The following PTK2B variants were observed in gnomAD, a reference collection of about 807,000 sequenced individuals.
PTK2B encodes protein-tyrosine kinase 2-beta.
PTK2B carries 71 observed loss-of-function variants against 142.9 expected under a neutral mutation model. The ratio of observed to expected loss-of-function variants is 0.50; its 90% CI spans 0.41 to 0.61. PTK2B has a LOEUF of 0.61. PTK2B is among the 20% of genes least tolerant of loss of function. The probability of loss-of-function intolerance (pLI) is 0.00; values close to 1 mark genes in which losing one functional copy is unlikely to be tolerated. For synonymous variants in PTK2B, 519 were observed against 503.4 expected (o/e 1.03, Z -0.42); for missense variants, 1,105 against 1,320.4 (o/e 0.84, Z 2.53).
intron 2 of PTK2B, among the ~76,000 whole-genome samples, chr8:27,405,070 T>G (rs914987788): frequency 1.6e-5 from 1 of 62,976 alleles, no homozygotes; most frequent in Non-Finnish European, 3.5e-5. Context: ...CTCTCTCTCT[T>G]AGCCATGTGA....
At chr8:27,430,629 C>T (rs533342960) in intron 7 of PTK2B, among the ~76,000 whole-genome samples, 3 of 152,300 alleles carry the variant, frequency 2.0e-5, no homozygotes, top group East Asian at 3.9e-4. Context: ...GTATCGAGGC[C>T]GTATCAGCTC....
chr8:27,403,442 A>G (rs1222128909), intron 2 of PTK2B, among the ~76,000 whole-genome samples: 1 of 152,192 alleles, frequency 6.6e-6, no homozygotes, highest in African/African-American at 2.4e-5. Context: ...CCATGTTGTA[A>G]AAAGCTTTGT....
chr8:27,345,757 A>C (rs1206299931), intron 1 of PTK2B, among the ~76,000 whole-genome samples: 3 of 152,184 alleles, frequency 2.0e-5, no homozygotes, highest in Non-Finnish European at 2.9e-5. Flanking sequence ...CAGGCATGGA[A>C]AACATACGAA....
chr8:27,445,733 G>T, intron 23 of PTK2B, 61 bp from the exon 24 acceptor site: 1 of 1,603,724 alleles, frequency 6.2e-7, no homozygotes, highest in South Asian at 1.1e-5. Flanking sequence ...GTTTGTAGCA[G>T]CTAATTGTCT....
intron 1 of PTK2B, among the ~76,000 whole-genome samples, chr8:27,378,271 T>C (rs1806788391): frequency 6.6e-6 from 1 of 152,244 alleles, no homozygotes; most frequent in African/African-American, 2.4e-5. Flanking sequence ...GCATCAAATC[T>C]AGTCCAGGGG....
chr8:27,448,586 C>T (rs10098202), intron 24 of PTK2B, among the ~76,000 whole-genome samples: 67,283 of 152,072 alleles, frequency 0.44, 15,861 homozygotes, highest in African/African-American at 0.6. Flanking sequence ...AATCTTCTGT[C>T]AACACTTATA....
chr8:27,455,166 A>T (rs894543782), intron 30 of PTK2B, among the ~76,000 whole-genome samples: 1 of 151,992 alleles, frequency 6.6e-6, no homozygotes, highest in South Asian at 2.1e-4. Context: ...AAATGTGATA[A>T]AGTTAAGGAC....
chr8:27,387,692 A>G (rs1261029624), intron 1 of PTK2B, among the ~76,000 whole-genome samples: 1 of 152,178 alleles, frequency 6.6e-6, no homozygotes, highest in African/African-American at 2.4e-5. Flanking sequence ...TAATCCCAAC[A>G]CTACATTAAC....
intron 1 of PTK2B, among the ~76,000 whole-genome samples, chr8:27,339,913 T>C (rs1010861270): frequency 6.6e-6 from 1 of 152,260 alleles, no homozygotes; most frequent in Non-Finnish European, 1.5e-5. Context: ...CCAGTGACAG[T>C]GACACCTAGT....
chr8:27,348,883 C>T (rs1424067296), intron 1 of PTK2B, among the ~76,000 whole-genome samples: 1 of 152,168 alleles, frequency 6.6e-6, no homozygotes, highest in Non-Finnish European at 1.5e-5. Context: ...AAGCCATTCC[C>T]CGCTGCCTCT....
intron 2 of PTK2B, among the ~76,000 whole-genome samples, chr8:27,408,463 ACTGT>A (rs1808858385): frequency 6.6e-6 from 1 of 152,216 alleles, no homozygotes; most frequent in African/African-American, 2.4e-5. Flanking sequence ...TTTCTACATG[ACTGT>A]CCATTGTTTG....
Position 27,450,735 on chromosome 8 carries a change from T to G in PTK2B, c.2341-14T>G. Reference sequence around the variant, plus strand: ...CTCATTGCATCCTCTCCCTTCTCTCTGCCGTCCTCCCAGGAGGAGGACTTC... The same window carrying G: ...CTCATTGCATCCTCTCCCTTCTCTCGGCCGTCCTCCCAGGAGGAGGACTTC... On this transcript the variant is annotated splice_polypyrimidine_tract_variant and intron_variant, in intron 24 of 30. Transcript: ENST00000346049. The G allele has an allele frequency of 6.2e-7, 1 of 1,614,050 alleles. No homozygotes were observed. The highest frequency in any genetic ancestry group is 8.5e-7 in the Non-Finnish European group (1 of 1,179,920).
chr8:27,438,996 A>T, intron 18 of PTK2B, 35 bp from the exon 19 acceptor site: 1 of 1,550,822 alleles, frequency 6.4e-7, no homozygotes, highest in Non-Finnish European at 8.9e-7. Context: ...GGGGGTGGGC[A>T]GTGCCTCATC....
At chr8:27,392,464 C>G (rs889143849) in intron 1 of PTK2B, among the ~76,000 whole-genome samples, 5 of 152,294 alleles carry the variant, frequency 3.3e-5, no homozygotes, top group African/African-American at 1.2e-4. Context: ...ACGAGGAACT[C>G]TCACTTATGT....
In PTK2B at chr8:27,363,805, T is replaced by A. The variant is rs1468290030; in HGVS notation, c.-37-33743T>A. Among the ~76,000 whole-genome samples the A allele has an allele frequency of 1.3e-5, 2 of 152,130 alleles. No individual in the cohort carries two copies. ...AGTCACTTGGCGTTCCTGGGACATG[T>A]TCATGTGAATTCTCACCGGTGGCTT... On this transcript the variant is annotated intron_variant, in intron 1 of 30. Coordinates refer to ENST00000346049, the MANE Select transcript of PTK2B (RefSeq NM_173176.3). The surrounding 1 kb of genome is among the most constrained non-coding windows in gnomAD (Gnocchi z 4.3).
At chr8:27,409,291 C>T (rs1215882193) in intron 2 of PTK2B, among the ~76,000 whole-genome samples, 1 of 151,992 alleles carries the variant, frequency 6.6e-6, no homozygotes, top group Non-Finnish European at 1.5e-5. Flanking sequence ...GGGGAAGAAA[C>T]AAAAACCTTA....
chr8:27,456,049 G>A (rs746479986), intron 30 of PTK2B, among the ~76,000 whole-genome samples: 18 of 152,236 alleles, frequency 1.2e-4, no homozygotes, highest in Non-Finnish European at 2.4e-4. Flanking sequence ...GGAGCCCTAG[G>A]TGGGGCTGTG....
At chr8:27,430,489 G>A (rs1318724806) in intron 7 of PTK2B, 71 bp downstream of exon 7, 2 of 1,586,840 alleles carry the variant, frequency 1.3e-6, no homozygotes, top group African/African-American at 1.3e-5. Context: ...ATGAGGCTGG[G>A]GCTGGGGATA....
At position 27,403,974 on chromosome 8, in the gene PTK2B, A is replaced by C. The variant is rs188210826; in HGVS notation, c.204+6186A>C. On this transcript the variant is annotated intron_variant, in intron 2 of 30. Transcript: ENST00000346049. ...ACTTCTCCTCCTCCTCTCTCTGTCT[A>C]TCTCTCCTTCCTTTCCCTCTCCTTT... Among the ~76,000 whole-genome samples, 549 of 136,310 alleles carry C rather than the reference A, an allele frequency of 4.0e-3. 5 individuals carry two copies. Among genetic ancestry groups the C allele is most frequent in the African/African-American group, 0.014 (507 of 35,810 alleles). The allele number at this position is 136,310 out of a possible 152,430, so 89.4% of individuals were successfully genotyped here. A position where few individuals can be genotyped will look rare whatever the true frequency, so the allele number is the denominator to read the frequency against.
Sources: gnomAD v4.1 joint callset for allele counts (sites outside exome capture counted in the v4.1 genomes callset) on GRCh38, gnomAD v4.1.1 for gene constraint, Gnocchi (gnomAD v3.1) non-coding constraint, MANE v1.5 for transcripts, NCBI Gene and HGNC (gene_info 2026-07-23, HGNC 2026-07-21) for gene names.